Variants in NFX1 observed in about 807,000 individuals in gnomAD.
NFX1 encodes nuclear transcription factor, X-box binding 1.
A neutral mutation model predicts 137.2 loss-of-function variants in NFX1; 69 were observed. The observed-to-expected ratio is 0.50, with a 90% CI of 0.41 to 0.61. The LOEUF (loss-of-function observed/expected upper bound fraction) is 0.61, where lower values mean the gene tolerates loss of function less well. NFX1 is among the 20% of genes least tolerant of loss of function. NFX1 has a pLI of 0.00. For missense variants in NFX1, 1,167 were observed against 1,391.0 expected, an observed-to-expected ratio of 0.84 and a Z score of 2.56; for synonymous variants, 495 against 474.1, an observed-to-expected ratio of 1.04 and a Z score of -0.57.
At chr9:33,335,231 T>TC (rs796847017) in intron 11 of NFX1, among the ~76,000 whole-genome samples, 4,041 of 143,996 alleles carry the variant, frequency 0.028, 120 homozygotes, top group Non-Finnish European at 0.043. Context: ...CTTTTTCTTT[T>TC]TTTTTTTTTT....
chr9:33,334,098 T>C (rs1822911088), intron 11 of NFX1, among the ~76,000 whole-genome samples: 1 of 152,142 alleles, frequency 6.6e-6, no homozygotes, highest in South Asian at 2.1e-4. Context: ...TGAACTGAGA[T>C]CACACCATTG....
Position 33,354,895 on chromosome 9 carries a change from A to T in NFX1, c.2873+3A>T. Reference sequence around the variant, plus strand: ...TGTTCAGCCTTGGAAAGGAAAAAGTAAGTAGTTGCAGCTGCTTTTTTAATC... The same window carrying T: ...TGTTCAGCCTTGGAAAGGAAAAAGTTAGTAGTTGCAGCTGCTTTTTTAATC... On this transcript the variant is annotated splice_donor_region_variant and intron_variant, in intron 19 of 23. Transcript: ENST00000379540. The T allele has an allele frequency of 6.2e-7, 1 of 1,613,918 alleles. No homozygotes were observed. The highest frequency in any genetic ancestry group is 8.5e-7 in the Non-Finnish European group (1 of 1,179,934).
At chr9:33,304,362 G>C (rs1245134987) in intron 4 of NFX1, among the ~76,000 whole-genome samples, 1 of 152,208 alleles carries the variant, frequency 6.6e-6, no homozygotes, top group Non-Finnish European at 1.5e-5. Context: ...TTTTGGTAGA[G>C]TGATAGCCCT....
intron 4 of NFX1, 51 bp from the exon 5 acceptor site, chr9:33,307,143 A>G: frequency 6.9e-7 from 1 of 1,448,038 alleles, no homozygotes; most frequent in African/African-American, 1.4e-5. Flanking sequence ...ATTAAAGTTG[A>G]GAATGTGGTT....
chr9:33,342,128 T>A (rs867350768), intron 12 of NFX1, among the ~76,000 whole-genome samples: 69 of 146,178 alleles, frequency 4.7e-4, no homozygotes, highest in African/African-American at 1.0e-3. Context: ...TCTCTCTCTC[T>A]CACACACACA....
chr9:33,307,753 T>G (rs1821805277), intron 5 of NFX1, among the ~76,000 whole-genome samples: 1 of 152,058 alleles, frequency 6.6e-6, no homozygotes, highest in African/African-American at 2.4e-5. Flanking sequence ...CGGACAGTAT[T>G]TCCAAGATGT....
At chr9:33,341,360 A>T (rs1587858776) in intron 12 of NFX1, among the ~76,000 whole-genome samples, 1 of 151,388 alleles carries the variant, frequency 6.6e-6, no homozygotes, top group East Asian at 1.9e-4. Context: ...CACGGGAAAG[A>T]CCTCCCCCAC....
chr9:33,291,526 C>T (rs1230930003), intron 1 of NFX1, among the ~76,000 whole-genome samples: 1 of 152,208 alleles, frequency 6.6e-6, no homozygotes, highest in African/African-American at 2.4e-5. Context: ...TGTCCCTGAC[C>T]AGCCGTTGGG....
intron 19 of NFX1, among the ~76,000 whole-genome samples, chr9:33,360,731 T>C (rs1823961916): frequency 6.6e-6 from 1 of 152,196 alleles, no homozygotes; most frequent in Admixed American, 6.5e-5. Context: ...ACAGGTTTTA[T>C]TGGTGTTTAA....
At chr9:33,311,759 G>A (rs1821968647) in intron 6 of NFX1, among the ~76,000 whole-genome samples, 2 of 152,234 alleles carry the variant, frequency 1.3e-5, no homozygotes, top group Admixed American at 6.5e-5. Flanking sequence ...CACCATCTTG[G>A]CCAGGCTGGT....
In NFX1 at chr9:33,364,972, T is replaced by C. The variant is rs919624219; in HGVS notation, c.3039+198T>C. The C allele has an allele frequency of 6.5e-6, 9 of 1,389,614 alleles. No homozygotes were observed. In the African/African-American group the frequency reaches 1.3e-4, roughly 20 times the overall value. The allele number at this position is 1,389,614 out of a possible 1,614,324, so 86.1% of individuals were successfully genotyped here. A position where few individuals can be genotyped will look rare whatever the true frequency, so the allele number is the denominator to read the frequency against. On this transcript the variant is annotated intron_variant, in intron 21 of 23. Transcript: ENST00000379540. ...CCTGTCCTGGTTCAGGACAGTTGACTGCAGAAAAGATCTACAGTCGGCTGG... is the reference window on the plus strand; with the variant it reads ...CCTGTCCTGGTTCAGGACAGTTGACCGCAGAAAAGATCTACAGTCGGCTGG...
intron 21 of NFX1, 131 bp downstream of exon 21, chr9:33,364,905 C>T (rs1053594227): frequency 2.0e-6 from 3 of 1,490,128 alleles, no homozygotes; most frequent in South Asian, 2.7e-5. Context: ...TTTGAGGATC[C>T]TTATCTTTCT....
intron 18 of NFX1, 151 bp from the exon 19 acceptor site, chr9:33,354,700 G>A: frequency 1.6e-6 from 1 of 627,308 alleles, no homozygotes. Flanking sequence ...CTGAAGAGCA[G>A]GTGGCCTCAC....
chr9:33,359,339 C>G (rs1823918226), intron 19 of NFX1, among the ~76,000 whole-genome samples: 1 of 152,116 alleles, frequency 6.6e-6, no homozygotes, highest in Non-Finnish European at 1.5e-5. Flanking sequence ...TGGCTCACGC[C>G]TGTAATCCCA....
intron 4 of NFX1, among the ~76,000 whole-genome samples, chr9:33,304,851 A>G (rs1821696898): frequency 6.6e-6 from 1 of 152,236 alleles, no homozygotes; most frequent in Non-Finnish European, 1.5e-5. Flanking sequence ...GGACAATACC[A>G]ATACTTAATA....
At chr9:33,304,634 C>G (rs1471751387) in intron 4 of NFX1, among the ~76,000 whole-genome samples, 1 of 152,196 alleles carries the variant, frequency 6.6e-6, no homozygotes, top group East Asian at 1.9e-4. Flanking sequence ...CACCCTCTTA[C>G]AAAGGAAGCT....
At position 33,303,257 on chromosome 9, in the gene NFX1, C is replaced by T. The variant is rs960172257; in HGVS notation, c.1259C>T (p.Thr420Ile). ...TCTGCACATGTTCCTAATACCTACA[C>T]TTGTTTCTGTGGTAAGTTTGTTTAT... ...NVSAHVPNTYTCFCGKVKNPE... is the reference protein window; with the variant it reads ...NVSAHVPNTYICFCGKVKNPE... Residue 420 changes from threonine to isoleucine, a missense_variant, in exon 4 of 24, where the codon ACT becomes ATT. Physicochemically the swap from Thr to Ile is moderately conservative, Grantham distance 89. Transcript: ENST00000379540. The T allele has an allele frequency of 4.3e-6, 7 of 1,613,982 alleles. No homozygotes were observed. The highest frequency in any genetic ancestry group is 4.2e-6 in the Non-Finnish European group (5 of 1,179,870).
At chr9:33,309,358 GAGA>G (rs1255260763) in intron 5 of NFX1, among the ~76,000 whole-genome samples, 1 of 8,192 alleles carries the variant, frequency 1.2e-4, no homozygotes, top group East Asian at 6.4e-3. Flanking sequence ...CTCCGTCTCA[GAGA>G]AAAAAAAAAA....
rs1355073634 is a variant in NFX1, at chr9:33,319,062, C to T, written c.1841C>T (p.Thr614Ile). 2.5e-6 allele frequency: 4 copies of T among 1,614,100 alleles called. No individual in the cohort carries two copies. In the East Asian group the frequency reaches 8.9e-5, roughly 36 times the overall value. Reference protein sequence around the residue: ...LLELGSSSRKTCMDPVPSCGK... With the variant: ...LLELGSSSRKICMDPVPSCGK... ...GAACTTGGAAGTAGTAGTCGGAAAA[C>T]ATGCATGGACCCTGTGCCTTCATGT... The change falls in exon 9 of 24, where the codon ACA becomes ATA. Residue 614 changes from threonine to isoleucine, a missense_variant. By Grantham distance (89) the Thr-to-Ile change is moderately conservative (BLOSUM62 -1). This residue lies in a region of NFX1 where 488 missense variants were observed against 691.5 expected (regional missense o/e 0.71). Coordinates refer to ENST00000379540, the MANE Select transcript of NFX1 (RefSeq NM_002504.6).
Sources: gnomAD v4.1 joint callset for allele counts (sites outside exome capture counted in the v4.1 genomes callset) on GRCh38, gnomAD v4.1.1 for gene constraint, gnomAD v4.1.1 regional missense constraint, MANE v1.5 for transcripts, NCBI Gene and HGNC (gene_info 2026-07-23, HGNC 2026-07-21) for gene names.